Variants in EBF3 observed in about 807,000 individuals in gnomAD.
The protein encoded by EBF3 is transcription factor COE3.
In EBF3, 18 loss-of-function variants were observed where a neutral mutation model predicts 77.1. That is an observed-to-expected ratio of 0.23 (90% CI 0.16 to 0.35). EBF3 has a LOEUF of 0.35. Among genes scored for constraint, EBF3 ranks in the 10% least tolerant of loss-of-function variants. The probability of loss-of-function intolerance (pLI) is 1.00; values close to 1 mark genes in which losing one functional copy is unlikely to be tolerated. For missense variants in EBF3, 558 were observed against 860.0 expected, an observed-to-expected ratio of 0.65 and a Z score of 4.39; for synonymous variants, 350 against 343.5, an observed-to-expected ratio of 1.02 and a Z score of -0.21.
In EBF3 at chr10:129,943,886, G is replaced by A. The variant is rs74435205; in HGVS notation, c.554+13372C>T. Among the ~76,000 whole-genome samples the A allele has an allele frequency of 0.028, 4,242 of 152,250 alleles. 196 individuals are homozygous for A. Among genetic ancestry groups the A allele is most frequent in the African/African-American group, 0.094 (3,897 of 41,528 alleles). ...GTTATGGAGGGCGCTGGCCTTCGGC[G>A]CAGACCCAGCTGAAACCGTAAAATG... On this transcript the variant is annotated intron_variant, in intron 6 of 16. Coordinates refer to ENST00000440978, the MANE Select transcript of EBF3 (RefSeq NM_001375380.1). This position sits in a 1 kb window ranked among gnomAD's most constrained non-coding sequence, Gnocchi z 8.8.
chr10:129,851,986 A>G (rs1850915284), intron 10 of EBF3, among the ~76,000 whole-genome samples: 1 of 152,220 alleles, frequency 6.6e-6, no homozygotes, highest in Admixed American at 6.5e-5. Flanking sequence ...AGAATAAGAA[A>G]ATTACACAGC....
intron 6 of EBF3, among the ~76,000 whole-genome samples, chr10:129,953,212 T>C (rs1366747652): frequency 4.1e-5 from 6 of 145,386 alleles, no homozygotes. Context: ...GAAATGGGGG[T>C]AGTCAGGTCA....
Position 129,836,812 on chromosome 10 carries a change from C to CAAAG in EBF3, c.*1127_*1130dup, listed in dbSNP as rs1849637608. 2 of 152,500 alleles carry CAAAG rather than the reference C, an allele frequency of 1.3e-5. No individual in the cohort carries two copies. Among genetic ancestry groups the CAAAG allele is most frequent in the South Asian group, 4.1e-4 (2 of 4,822 alleles). 9.4% of individuals were successfully genotyped at this position (152,500 alleles called of 1,614,324 possible). ...GTGGGAAAAGCAATGTACAAAATTTCAAAGATAAATACAATATTTATAATT... is the reference window on the plus strand; with the variant it reads ...GTGGGAAAAGCAATGTACAAAATTTCAAAGAAAGATAAATACAATATTTATAATT... On this transcript the variant is annotated 3_prime_UTR_variant, in exon 17 of 17. Transcript: ENST00000440978.
rs1850627576 is a variant in EBF3 at position 129,848,410 on chromosome 10, A to G, written c.1110T>C (p.Asp370=). The G allele has an allele frequency of 6.2e-7, 1 of 1,614,042 alleles. No homozygotes were observed. The highest frequency in any genetic ancestry group is 1.1e-5 in the South Asian group (1 of 91,084). Residue 370 remains aspartate, a synonymous_variant, in exon 11 of 17, where the codon GAT becomes GAC. Coordinates refer to ENST00000440978, the MANE Select transcript of EBF3 (RefSeq NM_001375380.1). This position sits in a 1 kb window ranked among gnomAD's most constrained non-coding sequence, Gnocchi z 4.4. ...TACTAACCTTGGGTAACCTTTCGGGATCACCCGGATGTCTTGGGATCACTT... is the reference window on the plus strand; with the variant it reads ...TACTAACCTTGGGTAACCTTTCGGGGTCACCCGGATGTCTTGGGATCACTT... The part of the protein sequence containing the change: ...LQKVIPRHPG[D]PERLPKEVLL...
At chr10:129,959,029 G>A in intron 4 of EBF3, 22 bp from the exon 5 acceptor site, 5 of 1,596,632 alleles carry the variant, frequency 3.1e-6, no homozygotes, top group Non-Finnish European at 4.3e-6. Context: ...ACAAGCAGAG[G>A]CTGGGGTTAC....
intron 6 of EBF3, among the ~76,000 whole-genome samples, chr10:129,910,972 G>A (rs765920374): frequency 2.0e-5 from 3 of 152,176 alleles, no homozygotes; most frequent in African/African-American, 4.8e-5. Flanking sequence ...TACCCACACA[G>A]AGCTCAGCGC....
chr10:129,846,108 T>TTGTGTGTGTGTGTGTGTGTGTGTG (rs10530522), intron 11 of EBF3, among the ~76,000 whole-genome samples: 2 of 139,608 alleles, frequency 1.4e-5, no homozygotes, highest in African/African-American at 5.3e-5. Context: ...ATTCTGGGCT[T>TTGTGTGTGTGTGTGTGTGTGTGTG]TGTGTGTGTG....
chr10:129,843,556 G>A (rs572563742), intron 11 of EBF3, among the ~76,000 whole-genome samples: 88 of 152,230 alleles, frequency 5.8e-4, no homozygotes, highest in Admixed American at 9.8e-4. Flanking sequence ...ACACATGGCG[G>A]AGATATGAAA....
In EBF3 at chr10:129,842,218, T is replaced by C. The variant is rs1178240013; in HGVS notation, c.1270A>G (p.Thr424Ala). Residue 424 changes from threonine to alanine, a missense_variant, in exon 13 of 17, where the codon ACC becomes GCC. Thr to Ala is a moderately conservative substitution (Grantham distance 58). This residue lies in a region of EBF3 where 284 missense variants were observed against 368.3 expected (regional missense o/e 0.77). Transcript: ENST00000440978. This position sits in a 1 kb window ranked among gnomAD's most constrained non-coding sequence, Gnocchi z 4.4. ...SVPRNHNQIP[T>A]LGNNPAHTGM... ...GTGTGTGCAGGGTTGTTGCCCAGGGTGGGGATCTGGTTGTGATTGCGGGGA... is the reference window on the plus strand; with the variant it reads ...GTGTGTGCAGGGTTGTTGCCCAGGGCGGGGATCTGGTTGTGATTGCGGGGA... 1 of 1,613,940 alleles carries C rather than the reference T, an allele frequency of 6.2e-7. No homozygotes were observed. The highest frequency in any genetic ancestry group is 1.3e-5 in the African/African-American group (1 of 74,894).
intron 6 of EBF3, among the ~76,000 whole-genome samples, chr10:129,926,553 A>G (rs559504701): frequency 6.6e-6 from 1 of 150,610 alleles, no homozygotes; most frequent in East Asian, 1.9e-4. Context: ...TCCACAGGGA[A>G]GCATCTCAGG....
At chr10:129,839,529 C>T (rs142669232) in intron 15 of EBF3, among the ~76,000 whole-genome samples, 118 of 152,186 alleles carry the variant, frequency 7.8e-4, no homozygotes, top group African/African-American at 2.6e-3. Flanking sequence ...CCCTCGGGGC[C>T]GGCCCTTCTC....
chr10:129,881,482 C>T (rs1225184375), intron 6 of EBF3, among the ~76,000 whole-genome samples: 4 of 152,214 alleles, frequency 2.6e-5, no homozygotes, highest in African/African-American at 4.8e-5. Context: ...TGCTACACGC[C>T]AGGCGCGGCT....
chr10:129,959,580 TGGCGCCCCGC>T (rs1216146488), intron 4 of EBF3, among the ~76,000 whole-genome samples: 5 of 151,818 alleles, frequency 3.3e-5, no homozygotes, highest in African/African-American at 1.2e-4. Context: ...CTAGCAAGTC[TGGCGCCCCGC>T]GGCTTCCCGC....
chr10:129,940,340 G>T (rs1857644937), intron 6 of EBF3, among the ~76,000 whole-genome samples: 1 of 152,142 alleles, frequency 6.6e-6, no homozygotes, highest in Non-Finnish European at 1.5e-5. Context: ...AAGCTCAAAG[G>T]CAGAGCCCCC....
At chr10:129,929,645 A>G (rs1856878222) in intron 6 of EBF3, among the ~76,000 whole-genome samples, 1 of 152,228 alleles carries the variant, frequency 6.6e-6, no homozygotes, top group Non-Finnish European at 1.5e-5. Flanking sequence ...ACCCAGTCCA[A>G]GGAGGCCCCC....
intron 6 of EBF3, among the ~76,000 whole-genome samples, chr10:129,923,677 A>C (rs987475590): frequency 3.9e-5 from 6 of 152,364 alleles, no homozygotes; most frequent in Non-Finnish European, 8.8e-5. Flanking sequence ...AGTGAGACCC[A>C]AAACCATAAA....
At chr10:129,866,874 T>G (rs754897955) in intron 10 of EBF3, among the ~76,000 whole-genome samples, 10 of 152,242 alleles carry the variant, frequency 6.6e-5, no homozygotes, top group Non-Finnish European at 1.5e-4. Flanking sequence ...CCTGCCACTT[T>G]GTTTACAGGT....
At chr10:129,906,562 T>C (rs946235536) in intron 6 of EBF3, among the ~76,000 whole-genome samples, 1 of 152,202 alleles carries the variant, frequency 6.6e-6, no homozygotes, top group African/African-American at 2.4e-5. Flanking sequence ...GGACAGTCCC[T>C]ATGGGACCAG....
chr10:129,893,202 G>C (rs1854141369), intron 6 of EBF3, among the ~76,000 whole-genome samples: 2 of 152,170 alleles, frequency 1.3e-5, no homozygotes. Flanking sequence ...TTTAGAGTTT[G>C]GGGTAATCAA....
Sources: gnomAD v4.1 joint callset for allele counts (sites outside exome capture counted in the v4.1 genomes callset) on GRCh38, gnomAD v4.1.1 for gene constraint, gnomAD v4.1.1 regional missense constraint, Gnocchi (gnomAD v3.1) non-coding constraint, MANE v1.5 for transcripts, NCBI Gene and HGNC (gene_info 2026-07-23, HGNC 2026-07-21) for gene names.